The following TTLL7 variants were observed in gnomAD, a reference collection of about 807,000 sequenced individuals.
The protein encoded by TTLL7 is tubulin polyglutamylase TTLL7.
A neutral mutation model predicts 120.2 loss-of-function variants in TTLL7; 53 were observed. That is an observed-to-expected ratio of 0.44 (90% CI 0.35 to 0.55). TTLL7 has a LOEUF of 0.55. Ranked by LOEUF, TTLL7 falls within the 20% of genes least tolerant of loss-of-function variation. The pLI is 0.00. For synonymous variants in TTLL7, 353 were observed against 351.7 expected, an observed-to-expected ratio of 1.00 and a Z score of -0.04; for missense variants, 803 against 1,054.7, an observed-to-expected ratio of 0.76 and a Z score of 3.31.
At chr1:83,994,841 G>A (rs1557830467) in intron 1 of TTLL7, among the ~76,000 whole-genome samples, 1 of 152,126 alleles carries the variant, frequency 6.6e-6, no homozygotes, top group South Asian at 2.1e-4. Flanking sequence ...TGCAATATCA[G>A]GACCCTGAAG....
intron 18 of TTLL7, among the ~76,000 whole-genome samples, chr1:83,899,474 A>G (rs72936269): frequency 0.01 from 1,586 of 152,028 alleles, 31 homozygotes; most frequent in African/African-American, 0.036. Flanking sequence ...TGCAAGATAA[A>G]CTTGCTGTAG....
At chr1:83,983,952 A>T (rs1353158570) in intron 1 of TTLL7, 1 of 152,182 alleles carries the variant, frequency 6.6e-6, no homozygotes, top group South Asian at 2.1e-4. Flanking sequence ...TTAGCTGAGT[A>T]TGGTGGTGTG....
chr1:83,931,004 T>G (rs530954205), intron 9 of TTLL7, among the ~76,000 whole-genome samples: 2 of 147,822 alleles, frequency 1.4e-5, no homozygotes, highest in African/African-American at 2.5e-5. Context: ...TTGTTCTTGT[T>G]TTTTTTTTTT....
chr1:83,949,315 G>T (rs67045520), intron 4 of TTLL7: 64,483 of 138,508 alleles, frequency 0.47, 14,926 homozygotes, highest in Non-Finnish European at 0.55. Context: ...TTTTTGTTTT[G>T]TTTTTTTTTT....
intron 20 of TTLL7, among the ~76,000 whole-genome samples, chr1:83,874,521 T>A (rs1166698180): frequency 6.6e-6 from 1 of 152,020 alleles, no homozygotes; most frequent in African/African-American, 2.4e-5. Context: ...ATATGGTAAT[T>A]CTATATTTAA....
rs779098528 is a variant in TTLL7 at position 83,911,372 on chromosome 1, G to A, written c.1588-9C>T. 33 of 1,588,454 alleles carry A rather than the reference G, an allele frequency of 2.1e-5. No homozygotes were observed. Among genetic ancestry groups the A allele is most frequent in the Non-Finnish European group, 2.7e-5 (32 of 1,167,768 alleles). On this transcript the variant is annotated splice_polypyrimidine_tract_variant and intron_variant, in intron 14 of 20. Coordinates refer to ENST00000260505, the MANE Select transcript of TTLL7 (RefSeq NM_024686.6). ...GGCATAGAACACAGAGGCTAAAAAA[G>A]ATGGAAATGTGTTATTTTGTTAGAA...
chr1:83,892,403 AAC>A (rs796608632), intron 18 of TTLL7, among the ~76,000 whole-genome samples: 1 of 71,822 alleles, frequency 1.4e-5, no homozygotes, highest in Non-Finnish European at 3.4e-5. Context: ...AATATATATG[AAC>A]ATATATATGA....
chr1:83,872,535 C>T (rs143091702), intron 20 of TTLL7, among the ~76,000 whole-genome samples: 193 of 152,254 alleles, frequency 1.3e-3, no homozygotes, highest in Non-Finnish European at 2.3e-3. Context: ...GTTATTCTAC[C>T]TTCTACTGAA....
chr1:83,880,169 A>C (rs909455096), intron 20 of TTLL7: 1 of 152,024 alleles, frequency 6.6e-6, no homozygotes, highest in Non-Finnish European at 1.5e-5. Context: ...TGAAAGTATT[A>C]AAAGTTTTAT....
intron 7 of TTLL7, among the ~76,000 whole-genome samples, chr1:83,940,994 T>C (rs1007904605): frequency 2.6e-5 from 4 of 152,156 alleles, no homozygotes; most frequent in African/African-American, 9.7e-5. Context: ...CAGCCACTCC[T>C]TCTTATTCTA....
At chr1:83,997,204 T>C (rs565821283) in intron 1 of TTLL7, among the ~76,000 whole-genome samples, 3 of 152,186 alleles carry the variant, frequency 2.0e-5, no homozygotes, top group Admixed American at 2.0e-4. Context: ...AGAAATGACA[T>C]ACTAAGATGA....
chr1:83,932,230 T>C (rs901229754), intron 9 of TTLL7, among the ~76,000 whole-genome samples: 1 of 152,150 alleles, frequency 6.6e-6, no homozygotes. Context: ...TCCTTATGCA[T>C]GTGCCTTCAC....
At chr1:83,986,846 A>G (rs952478427) in intron 1 of TTLL7, among the ~76,000 whole-genome samples, 1 of 152,282 alleles carries the variant, frequency 6.6e-6, no homozygotes, top group Admixed American at 6.5e-5. Flanking sequence ...TCTCAAAAAA[A>G]AAGAAGAAGA....
rs189260811 is a variant in TTLL7, at chr1:83,882,046, C to T, written c.2543+917G>A. 7.6e-3 allele frequency among the ~76,000 whole-genome samples: 1,003 copies of T among 131,680 alleles called. 18 individuals are homozygous for T. Among genetic ancestry groups the T allele is most frequent in the African/African-American group, 0.028 (960 of 34,350 alleles). 86.4% of individuals were successfully genotyped at this position (131,680 alleles called of 152,430 possible). The stretch of plus-strand genomic sequence containing the variant: ...AGGTGGGAAATGAACAATGAGAACA[C>T]ATGGACACAGGAAGGGGAACATCAC... On this transcript the variant is annotated intron_variant, in intron 20 of 20. Transcript: ENST00000260505.
At chr1:83,892,742 G>A (rs2892817) in intron 18 of TTLL7, among the ~76,000 whole-genome samples, 55 of 120,656 alleles carry the variant, frequency 4.6e-4, no homozygotes, top group Non-Finnish European at 6.1e-4. Flanking sequence ...ATATATATGA[G>A]CGCATATGTG....
rs556618561 is a variant in TTLL7 at position 83,983,335 on chromosome 1, C to T, written c.-177+15596G>A. Among the ~76,000 whole-genome samples, 5 of 151,872 alleles carry T rather than the reference C, an allele frequency of 3.3e-5. No homozygotes were observed. In the South Asian group the frequency reaches 1.0e-3, roughly 32 times the overall value. ...ACAGAACGAGACTCTGTCTCAAAAA[C>T]AAATAAATAAATAAATAAGCAATAA... On this transcript the variant is annotated intron_variant, in intron 1 of 20. Coordinates refer to ENST00000260505, the MANE Select transcript of TTLL7 (RefSeq NM_024686.6).
chr1:83,910,336 G>A (rs1410117151), intron 15 of TTLL7, among the ~76,000 whole-genome samples: 2 of 152,130 alleles, frequency 1.3e-5, no homozygotes, highest in Non-Finnish European at 2.9e-5. Context: ...CCCTAGGACA[G>A]TGGAGCACGA....
At position 83,896,283 on chromosome 1, in the gene TTLL7, A is replaced by G. The variant is rs1356136825; in HGVS notation, c.2209-5802T>C. Among the ~76,000 whole-genome samples, 6 of 152,226 alleles carry G rather than the reference A, an allele frequency of 3.9e-5. No individual in the cohort carries two copies. In the East Asian group the frequency reaches 9.7e-4, roughly 25 times the overall value. Reference sequence around the variant, plus strand: ...TCCCAATCCAACATTAAGCTCTCCAAGGGAAAAAACAAATGGGAGATTCAG... The same window carrying G: ...TCCCAATCCAACATTAAGCTCTCCAGGGGAAAAAACAAATGGGAGATTCAG... On this transcript the variant is annotated intron_variant, in intron 18 of 20. Coordinates refer to ENST00000260505, the MANE Select transcript of TTLL7 (RefSeq NM_024686.6).
rs981291322 is a variant in TTLL7, at chr1:83,867,867, AT to A, written c.*2094del. 2 of 152,096 alleles carry A rather than the reference AT, an allele frequency of 1.3e-5. No homozygotes were observed. The highest frequency in any genetic ancestry group is 4.8e-5 in the African/African-American group (2 of 41,450). 9.4% of individuals were successfully genotyped at this position (152,096 alleles called of 1,614,324 possible). On this transcript the variant is annotated 3_prime_UTR_variant, in exon 21 of 21. Coordinates refer to ENST00000260505, the MANE Select transcript of TTLL7 (RefSeq NM_024686.6). Reference sequence around the variant, plus strand: ...TTTGCATTATTTTTTCTAAAAAAAAATCCATAGCATATTTAAGAATTCACAA... The same window carrying A: ...TTTGCATTATTTTTTCTAAAAAAAAACCATAGCATATTTAAGAATTCACAA...
Sources: allele counts gnomAD v4.1 joint callset (sites outside exome capture counted in the v4.1 genomes callset), GRCh38; gene constraint gnomAD v4.1.1; transcripts MANE v1.5; gene names NCBI Gene and HGNC (gene_info 2026-07-23, HGNC 2026-07-21).